The following TMEM14B variants were observed in gnomAD, a reference collection of about 807,000 sequenced individuals.
TMEM14B encodes the protein transmembrane protein 14B.
Under a neutral mutation model 14.8 loss-of-function variants are expected in TMEM14B, and 9 were observed. The ratio of observed to expected loss-of-function variants is 0.61; its 90% confidence interval spans 0.37 to 1.06. The LOEUF (loss-of-function observed/expected upper bound fraction) is 1.06. TMEM14B is among the 50% of genes least tolerant of loss of function. TMEM14B has a pLI of 0.01. For missense variants in TMEM14B, 128 were observed against 143.6 expected (o/e 0.89, Z 0.56); for synonymous variants, 40 against 51.3 (o/e 0.78, Z 0.94).
chr6:10,755,161 T>G lies in TMEM14B; in HGVS notation c.222T>G (p.Phe74Leu). 6.2e-7 allele frequency: 1 copy of G among 1,614,046 alleles called. No individual in the cohort carries two copies. Among genetic ancestry groups the G allele is most frequent in the South Asian group, 1.1e-5 (1 of 91,082 alleles). ...WGFLAATSVTFVGVMGMRSYY... is the reference protein window; with the variant it reads ...WGFLAATSVTLVGVMGMRSYY... ...TTTCAGCCGCTACATCTGTTACTTT[T>G]GTTGGTGTTATGGGAATGAGATCCT... The change falls in exon 5 of 6, where the codon TTT (phenylalanine) becomes TTG (leucine). Residue 74 changes from phenylalanine to leucine, a missense_variant. Transcript: ENST00000379542.
At chr6:10,757,334 A>AT (rs1473665832), downstream of TMEM14B, among the ~76,000 whole-genome samples, 3 of 151,730 alleles carry the variant, frequency 2.0e-5, no homozygotes, top group Admixed American at 6.6e-5. Context: ...AATTTATTTT[A>AT]TTTTTTTGTA....
intron 3 of TMEM14B, among the ~76,000 whole-genome samples, chr6:10,750,386 C>G (rs920388829): frequency 4.7e-5 from 6 of 128,396 alleles, no homozygotes; most frequent in Non-Finnish European, 9.2e-5. Context: ...AAAGTTCTCT[C>G]GGCCTTGAAG....
intron 4 of TMEM14B, among the ~76,000 whole-genome samples, chr6:10,754,762 G>C (rs1459344060): frequency 6.6e-6 from 1 of 152,240 alleles, no homozygotes; most frequent in Non-Finnish European, 1.5e-5. Flanking sequence ...TAGGTGCTTT[G>C]ACAGATACCC....
chr6:10,750,256 C>T (rs1771496484), intron 3 of TMEM14B, among the ~76,000 whole-genome samples: 1 of 151,726 alleles, frequency 6.6e-6, no homozygotes, highest in Non-Finnish European at 1.5e-5. Flanking sequence ...TCCAGCCCTT[C>T]ATGGTTGATG....
At chr6:10,753,730 G>A (rs1035609597) in intron 4 of TMEM14B, among the ~76,000 whole-genome samples, 1 of 151,860 alleles carries the variant, frequency 6.6e-6, no homozygotes, top group Non-Finnish European at 1.5e-5. Context: ...CCATCCATTC[G>A]GTTCTTGATT....
At chr6:10,752,330 C>A (rs2127495231) in intron 4 of TMEM14B, among the ~76,000 whole-genome samples, 1 of 152,166 alleles carries the variant, frequency 6.6e-6, no homozygotes, top group South Asian at 2.1e-4. Flanking sequence ...GGTGTCTTCT[C>A]CCTGACCGTC....
intron 5 of TMEM14B, 34 bp from the exon 6 acceptor site, chr6:10,756,433 A>T: frequency 6.2e-7 from 1 of 1,611,996 alleles, no homozygotes; most frequent in Non-Finnish European, 8.5e-7. Flanking sequence ...TCTATCCTTT[A>T]CCTGATGTTT....
Position 10,755,231 on chromosome 6 carries a change from A to G in TMEM14B, c.292A>G (p.Ser98Gly). 1 of 1,614,188 alleles carries G rather than the reference A, an allele frequency of 6.2e-7. No individual in the cohort carries two copies. The highest frequency in any genetic ancestry group is 8.5e-7 in the Non-Finnish European group (1 of 1,180,012). The change falls in exon 5 of 6, where the codon AGT (serine) becomes GGT (glycine). Residue 98 changes from serine (S) to glycine (G), a missense_variant and splice_region_variant. Coordinates refer to ENST00000379542, the MANE Select transcript of TMEM14B (RefSeq NM_030969.5). Reference protein sequence around the residue: ...FMPVGLIAGASLLMAAKVGVR... With the variant: ...FMPVGLIAGAGLLMAAKVGVR... ...GCCTGTAGGTTTAATTGCAGGTGCCAGGTACTTTCATTCTATTACTCTTCT... is the reference window on the plus strand; with the variant it reads ...GCCTGTAGGTTTAATTGCAGGTGCCGGGTACTTTCATTCTATTACTCTTCT...
At chr6:10,751,016 T>A in intron 3 of TMEM14B, 117 bp from the exon 4 acceptor site, 1 of 1,222,506 alleles carries the variant, frequency 8.2e-7, no homozygotes, top group Non-Finnish European at 1.1e-6. Context: ...CCACCTTGGC[T>A]GTGAGCTGTG....
chr6:10,749,841 C>T, intron 3 of TMEM14B, 143 bp downstream of exon 3: 1 of 911,890 alleles, frequency 1.1e-6, no homozygotes, highest in Non-Finnish European at 1.8e-6. Context: ...CCTTGTCAGT[C>T]TTGCAGCTCC....
downstream of TMEM14B, among the ~76,000 whole-genome samples, chr6:10,757,990 CAAA>C (rs796233052): frequency 3.8e-5 from 4 of 106,290 alleles, no homozygotes; most frequent in Non-Finnish European, 6.2e-5. Flanking sequence ...GACTCTGTCT[CAAA>C]AAAAAAAAAA....
chr6:10,754,906 G>C (rs1275641205), intron 4 of TMEM14B, among the ~76,000 whole-genome samples: 5 of 152,174 alleles, frequency 3.3e-5, no homozygotes, highest in South Asian at 4.1e-4. Flanking sequence ...GAAGACAAGT[G>C]GTAAGAGATG....
chr6:10,751,366 C>A, intron 4 of TMEM14B, 132 bp downstream of exon 4: 1 of 984,726 alleles, frequency 1.0e-6, no homozygotes, highest in Non-Finnish European at 1.5e-6. Context: ...TCTCCAAGTC[C>A]AAGTCCTCAA....
Position 10,751,877 on chromosome 6 carries a change from A to G in TMEM14B, c.202+643A>G, listed in dbSNP as rs952410595. 7.2e-5 allele frequency among the ~76,000 whole-genome samples: 11 copies of G among 152,110 alleles called. No individual in the cohort carries two copies. The East Asian group carries it at 9.6e-4, about 13-fold the overall frequency. On this transcript the variant is annotated intron_variant, in intron 4 of 5. Coordinates refer to ENST00000379542, the MANE Select transcript of TMEM14B (RefSeq NM_030969.5). ...GAGGACAGTGAGTGGTGTGGAGGAC[A>G]TAAGAGTCCTCATCAGAGTGGTTTT...
intron 1 of TMEM14B, among the ~76,000 whole-genome samples, chr6:10,748,726 C>G (rs1370859017): frequency 6.6e-6 from 1 of 151,932 alleles, no homozygotes; most frequent in Non-Finnish European, 1.5e-5. Flanking sequence ...GCCCTCCTAA[C>G]GAGAACTGTG....
chr6:10,754,253 G>T (rs1004636065), intron 4 of TMEM14B, among the ~76,000 whole-genome samples: 9 of 152,296 alleles, frequency 5.9e-5, no homozygotes, highest in Admixed American at 5.2e-4. Context: ...CTCTTTTTAT[G>T]CATCCCTCTG....
At chr6:10,750,770 G>C (rs1771519886) in intron 3 of TMEM14B, among the ~76,000 whole-genome samples, 1 of 152,138 alleles carries the variant, frequency 6.6e-6, no homozygotes, top group African/African-American at 2.4e-5. Flanking sequence ...AATTCAGGTG[G>C]AAACAAGGCT....
chr6:10,749,196 C>G lies in TMEM14B; in HGVS notation c.-44-6C>G. 6 of 1,607,910 alleles carry G rather than the reference C, an allele frequency of 3.7e-6. No homozygotes were observed. Among genetic ancestry groups the G allele is most frequent in the Non-Finnish European group, 5.1e-6 (6 of 1,174,868 alleles). On this transcript the variant is annotated splice_polypyrimidine_tract_variant and splice_region_variant and intron_variant, in intron 1 of 5. Transcript: ENST00000379542. ...AACCACTGCTGATCCGGCTTGTTTTCCCCAGATGCAGGCCTGGGGTAGTCT... is the reference window on the plus strand; with the variant it reads ...AACCACTGCTGATCCGGCTTGTTTTGCCCAGATGCAGGCCTGGGGTAGTCT...
chr6:10,757,636 G>C (rs1771853780), downstream of TMEM14B, among the ~76,000 whole-genome samples: 1 of 152,128 alleles, frequency 6.6e-6, no homozygotes, highest in Admixed American at 6.5e-5. Context: ...CTTTATTCAT[G>C]TTTCAACATG....
Sources: gnomAD v4.1 joint callset for allele counts (sites outside exome capture counted in the v4.1 genomes callset) on GRCh38, gnomAD v4.1.1 for gene constraint, MANE v1.5 for transcripts, NCBI Gene and HGNC (gene_info 2026-07-23, HGNC 2026-07-21) for gene names.